TMEM178B: variants seen among roughly 807,000 people sequenced by gnomAD.
The protein encoded by TMEM178B is transmembrane protein 178B.
A neutral mutation model predicts 31.0 loss-of-function variants in TMEM178B; 5 were observed. The ratio of observed to expected loss-of-function variants is 0.16; its 90% CI spans 0.08 to 0.34. The LOEUF is 0.34. TMEM178B is among the 10% of genes least tolerant of loss of function. The pLI, the probability that TMEM178B is intolerant of heterozygous loss-of-function variation, is 1.00. For missense variants in TMEM178B, 275 were observed against 400.3 expected, an observed-to-expected ratio of 0.69 and a Z score of 2.67; for synonymous variants, 164 against 164.0, an observed-to-expected ratio of 1.00 and a Z score of 0.00.
intron 1 of TMEM178B, among the ~76,000 whole-genome samples, chr7:141,085,607 C>T (rs1794771097): frequency 6.6e-6 from 1 of 151,420 alleles, no homozygotes; most frequent in South Asian, 2.1e-4. Context: ...CTCTGTTGGA[C>T]ACTTTATTTG....
intron 2 of TMEM178B, among the ~76,000 whole-genome samples, chr7:141,306,576 G>C (rs1050038115): frequency 1.1e-4 from 17 of 151,422 alleles, no homozygotes; most frequent in Admixed American, 1.3e-4. Flanking sequence ...AGTAGGAAGA[G>C]GTTAGAGGCA....
rs376746443 is a variant in TMEM178B, at chr7:141,427,022, T to G, written c.497-10586T>G. 2.9e-3 allele frequency among the ~76,000 whole-genome samples: 436 copies of G among 152,252 alleles called. 3 individuals carry two copies. The highest frequency in any genetic ancestry group is 1.0e-2 in the African/African-American group (414 of 41,560). On this transcript the variant is annotated intron_variant, in intron 2 of 3. Coordinates refer to ENST00000565468, the MANE Select transcript of TMEM178B (RefSeq NM_001195278.2). ...TTACCCAAATGGGGTGAAAGATCTC[T>G]GCAATGAAAACTATAAAACACTGAT...
chr7:141,275,549 C>T (rs995092909), intron 2 of TMEM178B, among the ~76,000 whole-genome samples: 1 of 152,142 alleles, frequency 6.6e-6, no homozygotes, highest in African/African-American at 2.4e-5. Flanking sequence ...GGAGCACCAC[C>T]CTTCAGCATC....
chr7:141,210,740 T>G (rs1192994908), intron 1 of TMEM178B, among the ~76,000 whole-genome samples: 1 of 151,796 alleles, frequency 6.6e-6, no homozygotes, highest in Non-Finnish European at 1.5e-5. Context: ...ATAAGTAAAG[T>G]TGGAAACCAG....
chr7:141,293,381 A>G (rs944268314), intron 2 of TMEM178B, among the ~76,000 whole-genome samples: 1 of 152,122 alleles, frequency 6.6e-6, no homozygotes, highest in African/African-American at 2.4e-5. Flanking sequence ...TTTCATTTAG[A>G]ATGATATACT....
intron 2 of TMEM178B, among the ~76,000 whole-genome samples, chr7:141,253,015 G>C (rs1797860279): frequency 6.6e-6 from 1 of 152,226 alleles, no homozygotes; most frequent in Admixed American, 6.5e-5. Flanking sequence ...GAGAAAAGAG[G>C]TGGCAATCTG....
intron 1 of TMEM178B, among the ~76,000 whole-genome samples, chr7:141,163,985 A>G (rs1030114318): frequency 6.6e-6 from 1 of 152,174 alleles, no homozygotes; most frequent in Non-Finnish European, 1.5e-5. Context: ...TAATCCTTTA[A>G]TTTTACAGAC....
chr7:141,389,739 T>C (rs73739828), intron 2 of TMEM178B, among the ~76,000 whole-genome samples: 51 of 152,310 alleles, frequency 3.3e-4, no homozygotes, highest in African/African-American at 1.2e-3. Context: ...TAAATGAATC[T>C]AAATGGGAAA....
Position 141,447,702 on chromosome 7 carries a change from G to A in TMEM178B, c.634+9957G>A, listed in dbSNP as rs572627270. On this transcript the variant is annotated intron_variant, in intron 3 of 3. Transcript: ENST00000565468. ...TTCCAGTGAGTGGGGTGCTGTGTCT[G>A]TCCATATCTGGAGAAGCCCGAGCAG... 3.4e-4 allele frequency among the ~76,000 whole-genome samples: 51 copies of A among 152,216 alleles called. No homozygotes were observed. The South Asian group carries it at 0.01, about 31-fold the overall frequency.
the TMEM178B span, among the ~76,000 whole-genome samples, chr7:141,506,560 T>C: frequency 6.6e-6 from 1 of 152,180 alleles, no homozygotes; most frequent in Non-Finnish European, 1.5e-5. Flanking sequence ...ATGATTTAAT[T>C]ACCTCCCTCT....
chr7:141,214,960 A>C (rs1797108046), intron 2 of TMEM178B, among the ~76,000 whole-genome samples: 1 of 152,206 alleles, frequency 6.6e-6, no homozygotes, highest in Non-Finnish European at 1.5e-5. Flanking sequence ...GCTGTTAAGC[A>C]GAGAGAGGGA....
At chr7:141,364,307 A>G (rs192179550) in intron 2 of TMEM178B, among the ~76,000 whole-genome samples, 1 of 152,296 alleles carries the variant, frequency 6.6e-6, no homozygotes, top group African/African-American at 2.4e-5. Context: ...CTTCTGGGCT[A>G]TACTCCCTTT....
At chr7:141,411,065 T>G (rs1291131657) in intron 2 of TMEM178B, among the ~76,000 whole-genome samples, 1 of 150,872 alleles carries the variant, frequency 6.6e-6, no homozygotes, top group African/African-American at 2.4e-5. Flanking sequence ...TCGAATAAAA[T>G]AAAAAAAGAA....
chr7:141,353,475 T>A lies in TMEM178B; in HGVS notation c.497-84133T>A, dbSNP rs534845074. 1.2e-4 allele frequency among the ~76,000 whole-genome samples: 19 copies of A among 152,358 alleles called. No individual in the cohort carries two copies. The South Asian group carries it at 2.5e-3, about 20-fold the overall frequency. On this transcript the variant is annotated intron_variant, in intron 2 of 3. Transcript: ENST00000565468. ...TCTTTCTCAAATCTTTTGCTTTACA[T>A]AGATGTTGTTCCTTTTGACAAGAGC... is the stretch of plus-strand genomic sequence containing the variant.
At chr7:141,432,179 C>T (rs1419574961) in intron 2 of TMEM178B, among the ~76,000 whole-genome samples, 7 of 78,686 alleles carry the variant, frequency 8.9e-5, no homozygotes, top group Admixed American at 7.0e-4. Flanking sequence ...TTTTTTGAGA[C>T]GGAGTCTCAC....
At chr7:141,252,789 A>G (rs1192659877) in intron 2 of TMEM178B, among the ~76,000 whole-genome samples, 1 of 152,220 alleles carries the variant, frequency 6.6e-6, no homozygotes, top group Non-Finnish European at 1.5e-5. Context: ...GTTGTTGTCC[A>G]AAGTCTGAAA....
At chr7:141,109,741 T>C (rs1586773823) in intron 1 of TMEM178B, among the ~76,000 whole-genome samples, 1 of 152,144 alleles carries the variant, frequency 6.6e-6, no homozygotes, top group African/African-American at 2.4e-5. Flanking sequence ...TGGCAGGAGA[T>C]GGCTGTTGTG....
At chr7:141,170,588 C>T (rs11768129) in intron 1 of TMEM178B, among the ~76,000 whole-genome samples, 19,622 of 152,132 alleles carry the variant, frequency 0.13, 1,504 homozygotes, top group South Asian at 0.23. Flanking sequence ...CAGCTGTTAC[C>T]GATGGTGTAA....
intron 2 of TMEM178B, among the ~76,000 whole-genome samples, chr7:141,224,163 C>T (rs923767448): frequency 6.6e-6 from 1 of 152,182 alleles, no homozygotes; most frequent in Non-Finnish European, 1.5e-5. Flanking sequence ...TTGCCTTCTG[C>T]CATGATTGTG....
Sources: gnomAD v4.1 joint callset for allele counts (sites outside exome capture counted in the v4.1 genomes callset) on GRCh38, gnomAD v4.1.1 for gene constraint, MANE v1.5 for transcripts, NCBI Gene and HGNC (gene_info 2026-07-23, HGNC 2026-07-21) for gene names.